CCNYL1: variants seen among roughly 807,000 people sequenced by gnomAD.
The protein encoded by CCNYL1 is cyclin Y like 1, also known as cyclin-Y-like protein 1.
In CCNYL1, 16 loss-of-function variants were observed where a neutral mutation model predicts 44.2. The observed-to-expected ratio is 0.36, with a 90% confidence interval of 0.25 to 0.55. The LOEUF is 0.55. CCNYL1 is among the 20% of genes least tolerant of loss of function. The pLI, the probability that CCNYL1 is intolerant of heterozygous loss-of-function variation, is 0.85. For missense variants in CCNYL1, 348 were observed against 451.8 expected (o/e 0.77, Z 2.08); for synonymous variants, 159 against 163.2 (o/e 0.97, Z 0.20).
At chr2:207,729,266 A>G (rs866072686) in intron 3 of CCNYL1, among the ~76,000 whole-genome samples, 1 of 33,328 alleles carries the variant, frequency 3.0e-5, no homozygotes, top group Admixed American at 2.4e-4. Flanking sequence ...CCCCGCCCCC[A>G]CCCCACCCCC....
intron 1 of CCNYL1, among the ~76,000 whole-genome samples, chr2:207,715,671 C>T (rs1217801471): frequency 6.9e-6 from 1 of 145,114 alleles, no homozygotes; most frequent in African/African-American, 2.7e-5. Flanking sequence ...TGAGCCACCG[C>T]GCCTGGCCTT....
intron 1 of CCNYL1, among the ~76,000 whole-genome samples, chr2:207,716,291 T>C (rs1341225039): frequency 1.3e-5 from 2 of 151,752 alleles, no homozygotes; most frequent in African/African-American, 4.8e-5. Context: ...TGGAAAAACC[T>C]CTGAGCAACA....
At chr2:207,740,402 A>C (rs1361427279) in intron 5 of CCNYL1, among the ~76,000 whole-genome samples, 1 of 152,196 alleles carries the variant, frequency 6.6e-6, no homozygotes, top group East Asian at 1.9e-4. Flanking sequence ...AGGGAGGGCC[A>C]ATACTTAAAG....
chr2:207,726,748 C>G (rs542240260), intron 2 of CCNYL1, 94 bp from the exon 3 acceptor site: 6 of 755,324 alleles, frequency 7.9e-6, no homozygotes, highest in South Asian at 3.7e-5. Flanking sequence ...GGAATTTTAT[C>G]TCATTTTGTA....
rs191081674 is a variant in CCNYL1, at chr2:207,720,171, G to C, written c.221-4629G>C. ...CCACTGCACTCCAGCCTGGGTGGTAGAGTGAGACTCCGTCTCAAAAAAAAA... is the reference window on the plus strand; with the variant it reads ...CCACTGCACTCCAGCCTGGGTGGTACAGTGAGACTCCGTCTCAAAAAAAAA... On this transcript the variant is annotated intron_variant, in intron 1 of 9. Coordinates refer to ENST00000295414, the MANE Select transcript of CCNYL1 (RefSeq NM_001330218.2). 1.9e-3 allele frequency among the ~76,000 whole-genome samples: 237 copies of C among 122,362 alleles called. 5 individuals are homozygous for C. The East Asian group carries it at 0.05, about 26-fold the overall frequency. The allele number at this position is 122,362 out of a possible 152,430, so 80.3% of individuals were successfully genotyped here. A position where few individuals can be genotyped will look rare whatever the true frequency, so the allele number is the denominator to read the frequency against.
chr2:207,720,432 C>G (rs996190716), intron 1 of CCNYL1, among the ~76,000 whole-genome samples: 12 of 148,574 alleles, frequency 8.1e-5, no homozygotes, highest in Non-Finnish European at 1.5e-4. Flanking sequence ...GAGACAGGGT[C>G]ACAACTCTGC....
chr2:207,716,176 G>A (rs1171902862), intron 1 of CCNYL1, among the ~76,000 whole-genome samples: 6 of 152,066 alleles, frequency 3.9e-5, no homozygotes, highest in African/African-American at 1.4e-4. Flanking sequence ...ATGTTCTGAC[G>A]TTAGGAGCTT....
intron 1 of CCNYL1, chr2:207,714,558 T>G: frequency 3.7e-6 from 1 of 270,744 alleles, no homozygotes; most frequent in Non-Finnish European, 7.3e-6. Flanking sequence ...GGTTGATAAA[T>G]TTTAAAGAGT....
At chr2:207,734,081 C>A in intron 4 of CCNYL1, 34 bp downstream of exon 4, 1 of 1,360,866 alleles carries the variant, frequency 7.3e-7, no homozygotes, top group Non-Finnish European at 1.0e-6. Flanking sequence ...GGCTGAGTGA[C>A]AGACCCCCTT....
intron 1 of CCNYL1, 81 bp downstream of exon 1, chr2:207,712,197 C>A: frequency 8.3e-7 from 1 of 1,201,842 alleles, no homozygotes; most frequent in Non-Finnish European, 1.1e-6. Context: ...GAGGCATCCG[C>A]CGCCTCGGGC....
rs1261302855 is a variant in CCNYL1, at chr2:207,742,288, T to C, written c.585T>C (p.Val195=). The change falls in exon 7 of 10, where the codon GTT becomes GTC. Residue 195 remains valine (V), a synonymous_variant. Transcript: ENST00000295414. ...AGCACAAATTTATTTACAGATTTGT[T>C]CGTACTCTTTTTAGTGCTGCACAGC... ...DPEHKFIYRF[V]RTLFSAAQLT... 3 of 1,613,170 alleles carry C rather than the reference T, an allele frequency of 1.9e-6. No homozygotes were observed. The highest frequency in any genetic ancestry group is 2.2e-5 in the East Asian group (1 of 44,876).
At chr2:207,723,912 A>T (rs2105822333) in intron 1 of CCNYL1, among the ~76,000 whole-genome samples, 1 of 150,756 alleles carries the variant, frequency 6.6e-6, no homozygotes, top group East Asian at 2.0e-4. Flanking sequence ...GCTGAAGAAT[A>T]TCATAGATTT....
chr2:207,731,243 C>T lies in CCNYL1; in HGVS notation c.331-2704C>T, dbSNP rs185440163. ...ATTTTAAATGGGTTAAAATTAGAGG[C>T]AGTAGGCACAATGGGAAAAGTCAGT... On this transcript the variant is annotated intron_variant, in intron 3 of 9. Transcript: ENST00000295414. Among the ~76,000 whole-genome samples, 3 of 151,982 alleles carry T rather than the reference C, an allele frequency of 2.0e-5. No homozygotes were observed. The East Asian group carries it at 5.8e-4, about 29-fold the overall frequency.
chr2:207,715,028 G>A (rs558452176), intron 1 of CCNYL1, among the ~76,000 whole-genome samples: 1 of 152,166 alleles, frequency 6.6e-6, no homozygotes, highest in African/African-American at 2.4e-5. Context: ...CCAGCACTTC[G>A]GGAGGCTGAG....
intron 3 of CCNYL1, among the ~76,000 whole-genome samples, chr2:207,731,613 G>C (rs894727406): frequency 3.3e-5 from 5 of 152,106 alleles, no homozygotes; most frequent in Middle Eastern, 3.4e-3. Context: ...TAAAATAAAG[G>C]AAATTGTTGA....
At chr2:207,734,121 A>T (rs748611451) in intron 4 of CCNYL1, 74 bp downstream of exon 4, 7 of 870,334 alleles carry the variant, frequency 8.0e-6, no homozygotes, top group Non-Finnish European at 1.3e-5. Context: ...CATCCTCGGT[A>T]ATTTCAGCCA....
intron 1 of CCNYL1, among the ~76,000 whole-genome samples, 165 bp downstream of exon 1, chr2:207,712,281 G>C (rs1375689206): frequency 6.6e-6 from 1 of 152,136 alleles, no homozygotes; most frequent in Admixed American, 6.5e-5. Flanking sequence ...TTCTTGCCCT[G>C]CTGCGTCTGG....
chr2:207,714,502 A>T (rs1173894862), intron 1 of CCNYL1: 2 of 310,722 alleles, frequency 6.4e-6, no homozygotes, highest in Non-Finnish European at 1.3e-5. Flanking sequence ...GATAAGAATA[A>T]AAGTAGAGGT....
chr2:207,733,368 A>G (rs2091743547), intron 3 of CCNYL1, among the ~76,000 whole-genome samples: 2 of 152,248 alleles, frequency 1.3e-5, no homozygotes, highest in Non-Finnish European at 2.9e-5. Flanking sequence ...TTGGAATATT[A>G]AAGTGATACT....
Sources: allele counts gnomAD v4.1 joint callset (sites outside exome capture counted in the v4.1 genomes callset), GRCh38; gene constraint gnomAD v4.1.1; transcripts MANE v1.5; gene names NCBI Gene and HGNC (gene_info 2026-07-23, HGNC 2026-07-21).